Variants in TENM2 observed in about 807,000 individuals in gnomAD.
TENM2 encodes the protein teneurin-2.
Under a neutral mutation model 245.2 loss-of-function variants are expected in TENM2, and 52 were observed. The observed-to-expected ratio is 0.21, with a 90% CI of 0.17 to 0.27. TENM2 has a LOEUF of 0.27. Ranked by LOEUF, TENM2 falls within the 10% of genes least tolerant of loss-of-function variation. TENM2 has a pLI of 1.00. For missense variants in TENM2, 3,046 were observed against 3,666.8 expected (o/e 0.83, Z 4.37); for synonymous variants, 1,363 against 1,438.9 (o/e 0.95, Z 1.19).
chr5:167,843,349 T>G (rs1769723693), intron 2 of TENM2, among the ~76,000 whole-genome samples: 1 of 152,242 alleles, frequency 6.6e-6, no homozygotes, highest in African/African-American at 2.4e-5. Context: ...ATCGCACTTT[T>G]GAAAGCACCA....
intron 3 of TENM2, among the ~76,000 whole-genome samples, chr5:167,878,573 C>CTGTGTG (rs10573629): frequency 1.2e-3 from 179 of 150,130 alleles, no homozygotes; most frequent in African/African-American, 3.9e-3. Context: ...GTGCTCACGT[C>CTGTGTG]TGTGTGTGTG....
At chr5:168,071,687 G>T (rs1049895658) in intron 7 of TENM2, among the ~76,000 whole-genome samples, 1 of 151,768 alleles carries the variant, frequency 6.6e-6, no homozygotes. Flanking sequence ...ATTCTTTCAG[G>T]TCTATGTTCT....
At chr5:168,144,371 C>T (rs1228759921) in intron 12 of TENM2, among the ~76,000 whole-genome samples, 2 of 151,908 alleles carry the variant, frequency 1.3e-5, no homozygotes, top group African/African-American at 4.8e-5. Context: ...TGATATTCCC[C>T]TTCCTGTGTG....
At chr5:167,831,046 T>C (rs1315747103) in intron 2 of TENM2, among the ~76,000 whole-genome samples, 3 of 152,204 alleles carry the variant, frequency 2.0e-5, no homozygotes, top group Non-Finnish European at 2.9e-5. Context: ...TCAATATGTG[T>C]ACTTCTGTTC....
At chr5:167,290,172 C>G (rs1003778292) in intron 1 of TENM2, among the ~76,000 whole-genome samples, 1 of 152,046 alleles carries the variant, frequency 6.6e-6, no homozygotes, top group Non-Finnish European at 1.5e-5. Context: ...TGCTGGATAA[C>G]TTGAATCCTT....
In TENM2 at chr5:167,600,972, AATTT is replaced by A. The variant is rs577364902; in HGVS notation, c.502+225503_502+225506del. On this transcript the variant is annotated intron_variant, in intron 2 of 28. Transcript: ENST00000518659. ...CATCGCCATTTGACATTCATGGCAT[AATTT>A]ATTCACTCATCAAATATTTATCAAG... is the stretch of plus-strand genomic sequence containing the variant. Among the ~76,000 whole-genome samples, 18 of 152,338 alleles carry A rather than the reference AATTT, an allele frequency of 1.2e-4. No homozygotes were observed. The South Asian group carries it at 3.7e-3, about 32-fold the overall frequency.
the TENM2 span, among the ~76,000 whole-genome samples, chr5:166,982,603 C>T: frequency 6.6e-6 from 1 of 151,952 alleles, no homozygotes. Context: ...TTGAAGGGGG[C>T]AACATGAAAA....
chr5:167,448,505 G>A (rs952051557), intron 2 of TENM2, among the ~76,000 whole-genome samples: 21 of 149,138 alleles, frequency 1.4e-4, no homozygotes, highest in Non-Finnish European at 2.7e-4. Flanking sequence ...TGAAAAAAAA[G>A]TATCTTGCTA....
the TENM2 span, among the ~76,000 whole-genome samples, chr5:167,081,049 A>G: frequency 5.9e-3 from 898 of 151,994 alleles, 17 homozygotes; most frequent in East Asian, 0.08. Flanking sequence ...CATTCTAATC[A>G]AATTGAGAAG....
chr5:167,507,367 T>G (rs1411721999), intron 2 of TENM2, among the ~76,000 whole-genome samples: 1 of 152,196 alleles, frequency 6.6e-6, no homozygotes, highest in Non-Finnish European at 1.5e-5. Flanking sequence ...TAGTGTTTTG[T>G]CAATATCAAA....
chr5:167,856,495 C>T (rs1771110100), intron 2 of TENM2, among the ~76,000 whole-genome samples: 1 of 152,130 alleles, frequency 6.6e-6, no homozygotes, highest in Non-Finnish European at 1.5e-5. Flanking sequence ...AACACAGTGA[C>T]ATGTTTCCTT....
At chr5:168,000,142 G>T (rs1784325199) in intron 5 of TENM2, among the ~76,000 whole-genome samples, 1 of 152,148 alleles carries the variant, frequency 6.6e-6, no homozygotes, top group Admixed American at 6.6e-5. Flanking sequence ...TATTTGACTG[G>T]ATTCCTTTGG....
chr5:167,864,930 A>G (rs1425091936), intron 2 of TENM2, among the ~76,000 whole-genome samples: 1 of 152,230 alleles, frequency 6.6e-6, no homozygotes, highest in Non-Finnish European at 1.5e-5. Flanking sequence ...GAACATAAAA[A>G]TGAGTAAGAT....
chr5:167,413,341 TTAAC>T (rs1471005956), intron 2 of TENM2, among the ~76,000 whole-genome samples: 2 of 152,090 alleles, frequency 1.3e-5, no homozygotes, highest in Admixed American at 1.3e-4. Flanking sequence ...TTCTCTCTAT[TTAAC>T]CTACCTGGAA....
the TENM2 span, among the ~76,000 whole-genome samples, chr5:167,052,088 A>C: frequency 3.9e-5 from 6 of 152,310 alleles, no homozygotes; most frequent in African/African-American, 1.4e-4. Flanking sequence ...ATAATGACAA[A>C]AGATAATGTT....
At chr5:167,186,576 G>C in the TENM2 span, among the ~76,000 whole-genome samples, 1 of 152,282 alleles carries the variant, frequency 6.6e-6, no homozygotes, top group South Asian at 2.1e-4. Flanking sequence ...GACCAAATTT[G>C]GAAACAACCC....
At chr5:167,658,690 C>G (rs1755009232) in intron 2 of TENM2, among the ~76,000 whole-genome samples, 1 of 152,118 alleles carries the variant, frequency 6.6e-6, no homozygotes, top group Non-Finnish European at 1.5e-5. Context: ...AGGTCCCTTT[C>G]TAAGGTATTA....
intron 2 of TENM2, among the ~76,000 whole-genome samples, chr5:167,738,512 T>G (rs1582879979): frequency 6.6e-6 from 1 of 152,370 alleles, no homozygotes; most frequent in East Asian, 1.9e-4. Context: ...ATGTGGATTC[T>G]TCTTCATTGC....
At chr5:167,390,709 AT>A (rs749169528) in intron 2 of TENM2, among the ~76,000 whole-genome samples, 3 of 152,220 alleles carry the variant, frequency 2.0e-5, no homozygotes, top group Admixed American at 2.0e-4. Context: ...ACATTTCTAT[AT>A]TCTGGGGCAT....
Sources: allele counts gnomAD v4.1 joint callset (sites outside exome capture counted in the v4.1 genomes callset), GRCh38; gene constraint gnomAD v4.1.1; transcripts MANE v1.5; gene names NCBI Gene and HGNC (gene_info 2026-07-23, HGNC 2026-07-21).